The following HOXB3 variants were observed in gnomAD, a reference collection of about 807,000 sequenced individuals.
The protein encoded by HOXB3 is homeobox B3, also known as homeobox protein Hox-B3.
A neutral mutation model predicts 29.2 loss-of-function variants in HOXB3; 17 were observed. That is an observed-to-expected ratio of 0.58 (90% CI 0.40 to 0.87). HOXB3 has a LOEUF of 0.87. Among genes scored for constraint, HOXB3 ranks in the 40% least tolerant of loss-of-function variants. The pLI, the probability that HOXB3 is intolerant of heterozygous loss-of-function variation, is 0.00. For synonymous variants in HOXB3, 317 were observed against 285.9 expected, an observed-to-expected ratio of 1.11 and a Z score of -1.10; for missense variants, 637 against 616.3, an observed-to-expected ratio of 1.03 and a Z score of -0.35.
At chr17:48,563,542 A>G (rs576741619) in intron 2 of HOXB3, among the ~76,000 whole-genome samples, 1 of 152,298 alleles carries the variant, frequency 6.6e-6, no homozygotes, top group South Asian at 2.1e-4. Context: ...GCGCCTGCAA[A>G]GGGACAGTTC....
intron 2 of HOXB3, among the ~76,000 whole-genome samples, chr17:48,561,940 T>C (rs1272260744): frequency 6.6e-6 from 1 of 152,048 alleles, no homozygotes; most frequent in Non-Finnish European, 1.5e-5. Context: ...TAAAAGTGAG[T>C]GACAAGAAGT....
At chr17:48,589,256 A>G (rs936939423) in intron 1 of HOXB3, among the ~76,000 whole-genome samples, 3 of 152,118 alleles carry the variant, frequency 2.0e-5, no homozygotes, top group Non-Finnish European at 2.9e-5. Context: ...TCCTGAATCT[A>G]TTTCCTCCCG....
chr17:48,560,789 G>A (rs541815450), intron 2 of HOXB3, among the ~76,000 whole-genome samples: 24 of 152,216 alleles, frequency 1.6e-4, no homozygotes, highest in Non-Finnish European at 3.2e-4. Context: ...GGCACCCTGT[G>A]TGTGCTTCCT....
intron 1 of HOXB3, chr17:48,575,623 T>C (rs2069732474): frequency 6.6e-6 from 1 of 152,360 alleles, no homozygotes; most frequent in African/African-American, 2.4e-5. Context: ...AGGGGCCTGG[T>C]TTTGGAATGT....
intron 3 of HOXB3, chr17:48,553,717 A>C (rs944434119): frequency 6.6e-6 from 1 of 150,904 alleles, no homozygotes; most frequent in African/African-American, 2.4e-5. Context: ...AAAAAAAATC[A>C]CTATTTTAAT....
chr17:48,584,834 C>A (rs1003521857), intron 1 of HOXB3, among the ~76,000 whole-genome samples: 1 of 152,120 alleles, frequency 6.6e-6, no homozygotes, highest in Non-Finnish European at 1.5e-5. Flanking sequence ...TCTGCTCCCC[C>A]ACTTCTGCAA....
chr17:48,575,229 C>T (rs2069721610), intron 1 of HOXB3: 1 of 152,222 alleles, frequency 6.6e-6, no homozygotes, highest in Non-Finnish European at 1.5e-5. Flanking sequence ...ACATTTTCCC[C>T]CATTAGGGAC....
intron 1 of HOXB3, among the ~76,000 whole-genome samples, chr17:48,583,609 C>T (rs1567966310): frequency 6.6e-6 from 1 of 152,216 alleles, no homozygotes; most frequent in Admixed American, 6.5e-5. Context: ...CCCCAAGGCA[C>T]CCAGCTTGGT....
At position 48,573,901 on chromosome 17, in the gene HOXB3, C is replaced by T. The variant is rs1344747829; in HGVS notation, c.-311G>A. ...TCCCATTCATGACGAAGGGCTTCTT[C>T]CAAACTGAGAGAAAAAAGTTTTCAA... is the stretch of plus-strand genomic sequence containing the variant. On this transcript the variant is annotated 5_prime_UTR_variant, in exon 2 of 5. Coordinates refer to ENST00000498678, the MANE Select transcript of HOXB3 (RefSeq NM_001384749.1). The T allele has an allele frequency of 7.1e-6, 5 of 701,704 alleles. No homozygotes were observed. The South Asian group carries it at 7.4e-5, about 10-fold the overall frequency. 43.5% of individuals were successfully genotyped at this position (701,704 alleles called of 1,614,324 possible). A position where few individuals can be genotyped will look rare whatever the true frequency, so the allele number is the denominator to read the frequency against.
rs1402816665 is a variant in HOXB3, at chr17:48,566,507, AC to A, written c.-247+7329del. 2.0e-5 allele frequency among the ~76,000 whole-genome samples: 3 copies of A among 151,858 alleles called. No individual in the cohort carries two copies. In the East Asian group the frequency reaches 5.8e-4, roughly 29 times the overall value. On this transcript the variant is annotated intron_variant, in intron 2 of 4. Coordinates refer to ENST00000498678, the MANE Select transcript of HOXB3 (RefSeq NM_001384749.1). ...GGTGGGGGTGGTTGGTCAGACTTCC[AC>A]GTCACAGGCAAAGGTAGCAGCAGGA...
Position 48,549,339 on chromosome 17 carries a change from C to G in HOXB3, c.*995G>C, listed in dbSNP as rs1339533134. 1 of 152,610 alleles carries G rather than the reference C, an allele frequency of 6.6e-6. No individual in the cohort carries two copies. The highest frequency in any genetic ancestry group is 1.5e-5 in the Non-Finnish European group (1 of 68,046). The allele number at this position is 152,610 out of a possible 1,614,324, so 9.5% of individuals were successfully genotyped here. The stretch of plus-strand genomic sequence containing the variant: ...AATGCTGGACTTCTGCAGGCCCAGA[C>G]ATCTCTCACAGTTGTTTTTACATCC... On this transcript the variant is annotated 3_prime_UTR_variant, in exon 5 of 5. Transcript: ENST00000498678.
At chr17:48,551,225 A>G in intron 4 of HOXB3, 44 bp from the exon 5 acceptor site, 1 of 1,271,882 alleles carries the variant, frequency 7.9e-7, no homozygotes, top group South Asian at 3.0e-5. Context: ...AAATGAAATA[A>G]AAGATAATTA....
At chr17:48,586,414 G>T (rs533006957) in intron 1 of HOXB3, among the ~76,000 whole-genome samples, 2 of 152,208 alleles carry the variant, frequency 1.3e-5, no homozygotes, top group South Asian at 4.2e-4. Context: ...ACCTGCCGGC[G>T]TGCCCCCACC....
Position 48,552,582 on chromosome 17 carries a change from CCA to C in HOXB3, c.-110_-109del. 10 of 767,556 alleles carry C rather than the reference CCA, an allele frequency of 1.3e-5. No homozygotes were observed. The highest frequency in any genetic ancestry group is 5.7e-5 in the East Asian group (2 of 34,950). 47.5% of individuals were successfully genotyped at this position (767,556 alleles called of 1,614,324 possible). A position where few individuals can be genotyped will look rare whatever the true frequency, so the allele number is the denominator to read the frequency against. ...ACGTGACACGCCGGACCCCCCCCCC[CCA>C]CCTCCCCTCTCTGCCCCCCTCCTCC... On this transcript the variant is annotated 5_prime_UTR_variant, in exon 4 of 5. An upstream open reading frame in the 5' UTR gains an earlier in-frame stop. Transcript: ENST00000498678.
intron 1 of HOXB3, among the ~76,000 whole-genome samples, chr17:48,584,172 C>G (rs981856307): frequency 1.3e-5 from 2 of 152,180 alleles, no homozygotes; most frequent in Non-Finnish European, 2.9e-5. Flanking sequence ...TTTCAACTCC[C>G]GTAAAAAAGA....
At chr17:48,577,221 G>A (rs957251762) in intron 1 of HOXB3, among the ~76,000 whole-genome samples, 52 of 152,154 alleles carry the variant, frequency 3.4e-4, no homozygotes, top group African/African-American at 1.1e-3. Flanking sequence ...TTGGAGGGCT[G>A]TGCTGTGTCC....
chr17:48,568,370 C>T (rs1486610445), intron 2 of HOXB3, among the ~76,000 whole-genome samples: 2 of 152,180 alleles, frequency 1.3e-5, no homozygotes, highest in Non-Finnish European at 2.9e-5. Flanking sequence ...ATGAAAATCT[C>T]GCTTTAATTG....
At chr17:48,563,550 T>C (rs2069275976) in intron 2 of HOXB3, among the ~76,000 whole-genome samples, 1 of 152,184 alleles carries the variant, frequency 6.6e-6, no homozygotes, top group South Asian at 2.1e-4. Flanking sequence ...AAAGGGACAG[T>C]TCCCACTATT....
At position 48,555,522 on chromosome 17, in the gene HOXB3, C is replaced by A. The variant is rs1300264859; in HGVS notation, c.-159+9G>T. On this transcript the variant is annotated intron_variant, in intron 3 of 4. Coordinates refer to ENST00000498678, the MANE Select transcript of HOXB3 (RefSeq NM_001384749.1). The stretch of plus-strand genomic sequence containing the variant: ...TCACAAACTGATAGCCTATTTCAGT[C>A]CAGCTTACCTTAGCCACCGACGAGG... 1 of 702,714 alleles carries A rather than the reference C, an allele frequency of 1.4e-6. No homozygotes were observed. The highest frequency in any genetic ancestry group is 1.5e-5 in the South Asian group (1 of 67,582). 43.5% of individuals were successfully genotyped at this position (702,714 alleles called of 1,614,324 possible).
Sources: gnomAD v4.1 joint callset for allele counts (sites outside exome capture counted in the v4.1 genomes callset) on GRCh38, gnomAD v4.1.1 for gene constraint, MANE v1.5 for transcripts, NCBI Gene and HGNC (gene_info 2026-07-23, HGNC 2026-07-21) for gene names.